BMPR1B: variants seen among roughly 807,000 people sequenced by gnomAD.
BMPR1B encodes bone morphogenetic protein receptor type-1B.
A neutral mutation model predicts 59.1 loss-of-function variants in BMPR1B; 12 were observed. That is an observed-to-expected ratio of 0.20 (90% CI 0.13 to 0.33). The LOEUF (loss-of-function observed/expected upper bound fraction) is 0.33. BMPR1B is among the 10% of genes least tolerant of loss of function. BMPR1B has a pLI of 1.00. For missense variants in BMPR1B, 550 were observed against 610.9 expected, an observed-to-expected ratio of 0.90 and a Z score of 1.05; for synonymous variants, 237 against 207.3, an observed-to-expected ratio of 1.14 and a Z score of -1.23.
intron 11 of BMPR1B, among the ~76,000 whole-genome samples, chr4:95,152,067 A>G (rs1007867455): frequency 7.9e-5 from 12 of 152,204 alleles, no homozygotes; most frequent in African/African-American, 2.7e-4. Context: ...TTGGATAAAT[A>G]TAGGAAAAAA....
intron 1 of BMPR1B, among the ~76,000 whole-genome samples, chr4:94,807,626 TTA>T (rs1315937744): frequency 4.6e-5 from 7 of 152,158 alleles, no homozygotes; most frequent in African/African-American, 1.7e-4. Flanking sequence ...GAATAGAAAG[TTA>T]ATTCAGTCTA....
At chr4:94,839,922 T>C (rs892038056) in intron 1 of BMPR1B, among the ~76,000 whole-genome samples, 1 of 152,048 alleles carries the variant, frequency 6.6e-6, no homozygotes, top group South Asian at 2.1e-4. Flanking sequence ...CCATGTTTAG[T>C]GCTTCCTTCA....
chr4:94,849,665 G>T (rs10005252), intron 1 of BMPR1B, among the ~76,000 whole-genome samples: 92,727 of 151,346 alleles, frequency 0.61, 29,387 homozygotes, highest in African/African-American at 0.78. Context: ...AACAGGGACA[G>T]GGGGATGGGC....
rs4235438 is a variant in BMPR1B, at chr4:94,810,986, T to G, written c.-183+52918T>G. 5.3e-5 allele frequency among the ~76,000 whole-genome samples: 8 copies of G among 151,710 alleles called. No homozygotes were observed. In the East Asian group the frequency reaches 1.6e-3, roughly 29 times the overall value. ...ACTGGTTATAAGTTACGACGTTTAT[T>G]TGATTCCCTGTGAAATGGAACTGAG... On this transcript the variant is annotated intron_variant, in intron 1 of 12. Transcript: ENST00000515059.
At chr4:94,769,076 A>G (rs1162703208) in intron 1 of BMPR1B, among the ~76,000 whole-genome samples, 2 of 152,180 alleles carry the variant, frequency 1.3e-5, no homozygotes, top group Non-Finnish European at 2.9e-5. Flanking sequence ...CTTCAAACAT[A>G]CTTGCATGCA....
rs970771929 is a variant in BMPR1B, at chr4:95,155,926, C to T, written c.*1253C>T. 1 of 152,126 alleles carries T rather than the reference C, an allele frequency of 6.6e-6. No homozygotes were observed. Among genetic ancestry groups the T allele is most frequent in the Non-Finnish European group, 1.5e-5 (1 of 68,032 alleles). The allele number at this position is 152,126 out of a possible 1,614,324, so 9.4% of individuals were successfully genotyped here. A position where few individuals can be genotyped will look rare whatever the true frequency, so the allele number is the denominator to read the frequency against. On this transcript the variant is annotated 3_prime_UTR_variant, in exon 13 of 13. Transcript: ENST00000515059. ...GAGGACAGTTAGTAGAGGCCACAAA[C>T]TGTTATGGGCTGCTGTGTTTTGTTC...
intron 1 of BMPR1B, among the ~76,000 whole-genome samples, chr4:94,783,849 G>A (rs890725158): frequency 6.6e-6 from 1 of 152,158 alleles, no homozygotes; most frequent in African/African-American, 2.4e-5. Context: ...TTGTAGTTTA[G>A]AGCTGGGGGG....
intron 1 of BMPR1B, among the ~76,000 whole-genome samples, chr4:94,759,716 C>T (rs990573101): frequency 3.9e-5 from 6 of 152,074 alleles, no homozygotes; most frequent in Admixed American, 3.3e-4. Context: ...TGAGACATGC[C>T]GGTGATCAAT....
At chr4:94,886,952 G>C (rs1330967610) in intron 2 of BMPR1B, among the ~76,000 whole-genome samples, 1 of 152,130 alleles carries the variant, frequency 6.6e-6, no homozygotes, top group Non-Finnish European at 1.5e-5. Flanking sequence ...TGTGGGAAAA[G>C]GTTTCAAAGT....
chr4:95,027,009 C>T (rs1304690835), intron 3 of BMPR1B, among the ~76,000 whole-genome samples: 2 of 151,986 alleles, frequency 1.3e-5, no homozygotes, highest in African/African-American at 4.8e-5. Flanking sequence ...AAGTGATTCT[C>T]CTGCCTCAGC....
At chr4:95,112,667 A>G (rs1287266709) in intron 4 of BMPR1B, among the ~76,000 whole-genome samples, 10 of 151,874 alleles carry the variant, frequency 6.6e-5, no homozygotes, top group African/African-American at 2.4e-4. Context: ...GGAAGGGACT[A>G]TTTTCTCAGG....
chr4:95,138,149 T>G (rs969095211), intron 10 of BMPR1B, among the ~76,000 whole-genome samples: 2 of 152,188 alleles, frequency 1.3e-5, no homozygotes, highest in Non-Finnish European at 2.9e-5. Flanking sequence ...AGTATTTTAT[T>G]TCTCTTTCAC....
At chr4:95,071,531 T>G (rs1487797864) in intron 3 of BMPR1B, among the ~76,000 whole-genome samples, 2 of 151,818 alleles carry the variant, frequency 1.3e-5, no homozygotes, top group South Asian at 2.1e-4. Context: ...GGTTTGCCAG[T>G]CTGAGCTTAC....
intron 3 of BMPR1B, among the ~76,000 whole-genome samples, chr4:95,067,169 C>A (rs1319998399): frequency 6.6e-6 from 1 of 152,014 alleles, no homozygotes; most frequent in East Asian, 1.9e-4. Context: ...TCTTTGTATG[C>A]CATTTTATTC....
At chr4:94,832,584 C>T (rs140594024) in intron 1 of BMPR1B, among the ~76,000 whole-genome samples, 1 of 152,082 alleles carries the variant, frequency 6.6e-6, no homozygotes, top group East Asian at 1.9e-4. Context: ...GAATTCAAGA[C>T]CAGCTTGGCC....
chr4:94,804,796 G>A (rs894658736), intron 1 of BMPR1B, among the ~76,000 whole-genome samples: 1 of 151,938 alleles, frequency 6.6e-6, no homozygotes, highest in Non-Finnish European at 1.5e-5. Flanking sequence ...CTAAGCAGTC[G>A]GCCTTTTGTT....
At chr4:94,843,346 A>G (rs978106601) in intron 1 of BMPR1B, among the ~76,000 whole-genome samples, 5 of 152,226 alleles carry the variant, frequency 3.3e-5, no homozygotes, top group Non-Finnish European at 7.3e-5. Flanking sequence ...GTGAACAGCC[A>G]GCCCTGTGTT....
At position 95,071,191 on chromosome 4, in the gene BMPR1B, C is replaced by T. The variant is rs538811972; in HGVS notation, c.-17-33217C>T. Among the ~76,000 whole-genome samples the T allele has an allele frequency of 5.9e-4, 90 of 152,100 alleles. 3 individuals carry two copies. The highest frequency in any genetic ancestry group is 2.1e-3 in the African/African-American group (87 of 41,506). ...TTTCATACCTCTGGTGATTTTATTACCTTATTTAATAGAGGAGAGTCAAGC... is the reference window on the plus strand; with the variant it reads ...TTTCATACCTCTGGTGATTTTATTATCTTATTTAATAGAGGAGAGTCAAGC... On this transcript the variant is annotated intron_variant, in intron 3 of 12. Coordinates refer to ENST00000515059, the MANE Select transcript of BMPR1B (RefSeq NM_001203.3).
intron 10 of BMPR1B, among the ~76,000 whole-genome samples, chr4:95,146,713 T>A (rs1331390463): frequency 1.3e-5 from 2 of 152,176 alleles, no homozygotes; most frequent in African/African-American, 2.4e-5. Context: ...ACCACTATCT[T>A]CCTCATGATT....
Sources: allele counts gnomAD v4.1 joint callset (sites outside exome capture counted in the v4.1 genomes callset), GRCh38; gene constraint gnomAD v4.1.1; transcripts MANE v1.5; gene names NCBI Gene and HGNC (gene_info 2026-07-23, HGNC 2026-07-21).